Variants in ANO3 observed in about 807,000 individuals in gnomAD.
The protein encoded by ANO3 is anoctamin 3.
In ANO3, 99 loss-of-function variants were observed where a neutral mutation model predicts 144.8. The observed-to-expected ratio is 0.68, with a 90% CI of 0.58 to 0.81. ANO3 has a LOEUF of 0.81. Among genes scored for constraint, ANO3 ranks in the 30% least tolerant of loss-of-function variants. ANO3 has a pLI of 0.00. For missense variants in ANO3, 905 were observed against 1,202.2 expected (o/e 0.75, Z 3.66); for synonymous variants, 414 against 392.6 (o/e 1.05, Z -0.64).
chr11:26,223,812 A>T (rs951695408), intron 1 of ANO3, among the ~76,000 whole-genome samples: 1 of 151,776 alleles, frequency 6.6e-6, no homozygotes, highest in African/African-American at 2.4e-5. Flanking sequence ...CAGAGTGGAG[A>T]GGCGCCACAT....
chr11:26,218,782 G>A (rs1233650984), intron 1 of ANO3, among the ~76,000 whole-genome samples: 2 of 152,132 alleles, frequency 1.3e-5, no homozygotes, highest in African/African-American at 4.8e-5. Context: ...ATAAAAGCCT[G>A]TAGCCCATAA....
At chr11:26,475,855 C>T (rs1053884970) in intron 4 of ANO3, among the ~76,000 whole-genome samples, 2 of 152,046 alleles carry the variant, frequency 1.3e-5, no homozygotes, top group Non-Finnish European at 2.9e-5. Flanking sequence ...ATTCTGGCTA[C>T]ATCATCTTTA....
intron 4 of ANO3, among the ~76,000 whole-genome samples, chr11:26,477,517 C>A (rs1043884108): frequency 1.2e-4 from 19 of 152,128 alleles, no homozygotes; most frequent in African/African-American, 4.3e-4. Flanking sequence ...TCTCATAGCA[C>A]TTGCACCTCC....
intron 1 of ANO3, among the ~76,000 whole-genome samples, chr11:26,192,141 G>A (rs751184445): frequency 1.8e-4 from 28 of 152,048 alleles, no homozygotes; most frequent in Non-Finnish European, 3.5e-4. Context: ...ACAATTTGCC[G>A]CCTGATATCA....
At chr11:26,494,236 A>G (rs574872969) in intron 4 of ANO3, among the ~76,000 whole-genome samples, 5 of 150,586 alleles carry the variant, frequency 3.3e-5, no homozygotes, top group Admixed American at 2.0e-4. Flanking sequence ...ATGTGTGTGT[A>G]TATATATATA....
chr11:26,289,308 A>C (rs1257282015), intron 1 of ANO3, among the ~76,000 whole-genome samples: 1 of 151,842 alleles, frequency 6.6e-6, no homozygotes, highest in Non-Finnish European at 1.5e-5. Context: ...TTTTCAACTG[A>C]GCATACTCAG....
intron 1 of ANO3, among the ~76,000 whole-genome samples, chr11:26,196,065 TA>T (rs919555374): frequency 4.6e-5 from 7 of 152,176 alleles, no homozygotes; most frequent in Non-Finnish European, 8.8e-5. Context: ...TGAGTTGCTA[TA>T]AGGACAAGAG....
At chr11:26,549,818 C>G (rs11029605) in intron 12 of ANO3, among the ~76,000 whole-genome samples, 7,955 of 151,786 alleles carry the variant, frequency 0.052, 264 homozygotes, top group Admixed American at 0.095. Context: ...GAGCTGAAGC[C>G]CCAACTCTCT....
chr11:26,506,812 G>C (rs2134134711), intron 4 of ANO3, among the ~76,000 whole-genome samples: 1 of 152,262 alleles, frequency 6.6e-6, no homozygotes, highest in East Asian at 1.9e-4. Flanking sequence ...TCTGTTTCTT[G>C]AATGACTCGT....
rs372433766 is a variant in ANO3, at chr11:26,400,639, G to A, written c.47-41279G>A. Among the ~76,000 whole-genome samples the A allele has an allele frequency of 2.2e-4, 33 of 151,206 alleles. No individual in the cohort carries two copies. In the East Asian group the frequency reaches 6.5e-3, roughly 30 times the overall value. On this transcript the variant is annotated intron_variant, in intron 1 of 26. Transcript: ENST00000256737. ...TATTTTTTCTTTCATTAATATGTTTGCATTCTGTTAAAAAGTGTGCTAAGT... is the reference window on the plus strand; with the variant it reads ...TATTTTTTCTTTCATTAATATGTTTACATTCTGTTAAAAAGTGTGCTAAGT...
chr11:26,203,353 G>T (rs1169780715), intron 1 of ANO3, among the ~76,000 whole-genome samples: 1 of 151,942 alleles, frequency 6.6e-6, no homozygotes, highest in Non-Finnish European at 1.5e-5. Context: ...TTCCAAATTG[G>T]GTCCAAGAAT....
At chr11:26,345,438 A>G (rs1041028483) in intron 1 of ANO3, among the ~76,000 whole-genome samples, 1 of 152,198 alleles carries the variant, frequency 6.6e-6, no homozygotes, top group African/African-American at 2.4e-5. Flanking sequence ...CTGTAGTCCC[A>G]GCTACCTGGG....
intron 14 of ANO3, among the ~76,000 whole-genome samples, chr11:26,590,999 C>A (rs1851434264): frequency 6.6e-6 from 1 of 152,174 alleles, no homozygotes; most frequent in Admixed American, 6.5e-5. Flanking sequence ...GTCCCTCCCC[C>A]ACGCTCTCAG....
chr11:26,190,117 A>C (rs942905013), intron 1 of ANO3, among the ~76,000 whole-genome samples: 5 of 152,214 alleles, frequency 3.3e-5, no homozygotes, highest in African/African-American at 1.2e-4. Context: ...CTTATAAAAT[A>C]AGGCGTTGTA....
intron 1 of ANO3, among the ~76,000 whole-genome samples, chr11:26,395,884 C>G (rs1162982197): frequency 1.3e-5 from 2 of 152,066 alleles, no homozygotes; most frequent in African/African-American, 4.8e-5. Context: ...TAGGCATGGG[C>G]AAAGACTTCA....
intron 1 of ANO3, among the ~76,000 whole-genome samples, chr11:26,436,910 C>T (rs940414089): frequency 6.6e-6 from 1 of 152,106 alleles, no homozygotes; most frequent in African/African-American, 2.4e-5. Context: ...AGTCTGGTTG[C>T]TTCTTTGTAG....
At position 26,660,929 on chromosome 11, in the gene ANO3, T is replaced by G. The variant is rs1050033775; in HGVS notation, c.*485T>G. The G allele has an allele frequency of 6.5e-6, 1 of 153,980 alleles. No individual in the cohort carries two copies. The highest frequency in any genetic ancestry group is 2.4e-5 in the African/African-American group (1 of 41,470). 9.5% of individuals were successfully genotyped at this position (153,980 alleles called of 1,614,324 possible). A position where few individuals can be genotyped will look rare whatever the true frequency, so the allele number is the denominator to read the frequency against. Reference sequence around the variant, plus strand: ...AAATCCTTGCCTTGGCTGCCAGAACTCTACATCCCTTCAGTTTACAGGTTG... The same window carrying G: ...AAATCCTTGCCTTGGCTGCCAGAACGCTACATCCCTTCAGTTTACAGGTTG... On this transcript the variant is annotated 3_prime_UTR_variant, in exon 27 of 27. Transcript: ENST00000256737.
chr11:26,290,261 C>T (rs1318272050), intron 1 of ANO3, among the ~76,000 whole-genome samples: 1 of 152,056 alleles, frequency 6.6e-6, no homozygotes, highest in Non-Finnish European at 1.5e-5. Flanking sequence ...GTGATATCCC[C>T]TTTATCATTT....
At chr11:26,257,627 G>A (rs1001393807) in intron 1 of ANO3, among the ~76,000 whole-genome samples, 1 of 152,040 alleles carries the variant, frequency 6.6e-6, no homozygotes, top group Admixed American at 6.6e-5. Context: ...ACCATAAAAT[G>A]CAAGCTGCTA....
Sources: allele counts gnomAD v4.1 joint callset (sites outside exome capture counted in the v4.1 genomes callset), GRCh38; gene constraint gnomAD v4.1.1; transcripts MANE v1.5; gene names NCBI Gene and HGNC (gene_info 2026-07-23, HGNC 2026-07-21).